Variants in DGKA observed in about 807,000 individuals in gnomAD.
DGKA encodes the protein 80 kDa diacylglycerol kinase.
DGKA carries 35 observed loss-of-function variants against 105.0 expected under a neutral mutation model. The ratio of observed to expected loss-of-function variants is 0.33; its 90% CI spans 0.25 to 0.44. DGKA has a LOEUF of 0.44. Among genes scored for constraint, DGKA ranks in the 20% least tolerant of loss-of-function variants. DGKA has a pLI of 1.00. For missense variants in DGKA, 665 were observed against 915.0 expected, an observed-to-expected ratio of 0.73 and a Z score of 3.53; for synonymous variants, 296 against 332.0, an observed-to-expected ratio of 0.89 and a Z score of 1.18.
At position 55,932,420 on chromosome 12, in the gene DGKA, A is replaced by G. The variant is rs970651544; in HGVS notation, c.-82+1076A>G. 7 of 628,946 alleles carry G rather than the reference A, an allele frequency of 1.1e-5. No individual in the cohort carries two copies. The highest frequency in any genetic ancestry group is 1.1e-4 in the African/African-American group (6 of 55,186). The allele number at this position is 628,946 out of a possible 1,614,324, so 39.0% of individuals were successfully genotyped here. A position where few individuals can be genotyped will look rare whatever the true frequency, so the allele number is the denominator to read the frequency against. On this transcript the variant is annotated intron_variant, in intron 1 of 23. Coordinates refer to ENST00000331886, the MANE Select transcript of DGKA (RefSeq NM_001345.5). This position sits in a 1 kb window ranked among gnomAD's most constrained non-coding sequence, Gnocchi z 4.3. ...CGACTCGGAGGGAAGTCCTCTTCGG[A>G]ACCTCCACAGTGCCGCACGGGTGGA... is the stretch of plus-strand genomic sequence containing the variant.
Position 55,941,452 on chromosome 12 carries a change from CAGA to C in DGKA, c.1176-54_1176-52del, listed in dbSNP as rs1029090138. On this transcript the variant is annotated intron_variant, in intron 14 of 23. Coordinates refer to ENST00000331886, the MANE Select transcript of DGKA (RefSeq NM_001345.5). ...AGGAACACACAAAGAGGGTGAGGTT[CAGA>C]AGATCACCCCCAACCCCCGCGCCTG... The C allele has an allele frequency of 2.5e-6, 4 of 1,597,448 alleles. No homozygotes were observed. In the African/African-American group the frequency reaches 5.4e-5, roughly 21 times the overall value.
At chr12:55,930,732 G>C (rs1390075282), upstream of DGKA, 1 of 152,136 alleles carries the variant, frequency 6.6e-6, no homozygotes, top group Non-Finnish European at 1.5e-5. Context: ...GGAGCAGAGA[G>C]ACAGACCCCT....
Position 55,942,002 on chromosome 12 carries a change from C to G in DGKA, c.1255C>G (p.Arg419Gly). Residue 419 changes from arginine (R) to glycine (G), a missense_variant, in exon 16 of 24, where the codon CGA (arginine) becomes GGA (glycine). Arg to Gly is a moderately radical substitution (Grantham distance 125). Transcript: ENST00000331886. ...TCTCTCTCCCCTTTGTCTCAGGCTC[C>G]GATTATTCAAGGATGTTCCTGATAG... The part of the protein sequence containing the change: ...LLKDGPEIGL[R>G]LFKDVPDSRI... 6.2e-7 allele frequency: 1 copy of G among 1,614,074 alleles called. No homozygotes were observed. Among genetic ancestry groups the G allele is most frequent in the South Asian group, 1.1e-5 (1 of 91,042 alleles).
Position 55,941,269 on chromosome 12 carries a change from C to T in DGKA, c.1119C>T (p.Asn373=), listed in dbSNP as rs1301359119. 1.2e-6 allele frequency: 2 copies of T among 1,613,564 alleles called. No homozygotes were observed. Among genetic ancestry groups the T allele is most frequent in the South Asian group, 1.1e-5 (1 of 91,068 alleles). Reference sequence around the variant, plus strand: ...CAATGCAGATTGACCCTGTTCCTAACACCCACCCACTTCTCGTCTTTGTCA... The same window carrying T: ...CAATGCAGATTGACCCTGTTCCTAATACCCACCCACTTCTCGTCTTTGTCA... ...SEALRIDPVP[N]THPLLVFVNP... Residue 373 remains asparagine, a synonymous_variant, in exon 14 of 24, where the codon AAC becomes AAT. Transcript: ENST00000331886.
chr12:55,940,559 G>T lies in DGKA; in HGVS notation c.919-65G>T. On this transcript the variant is annotated intron_variant, in intron 11 of 23. Coordinates refer to ENST00000331886, the MANE Select transcript of DGKA (RefSeq NM_001345.5). This position sits in a 1 kb window ranked among gnomAD's most constrained non-coding sequence, Gnocchi z 4.3. The stretch of plus-strand genomic sequence containing the variant: ...GCTCCCAAGGGCTCTTTCCAGCCCA[G>T]ACTGCCAGGTTGAGAGGAGACAGGG... 1 of 1,560,220 alleles carries T rather than the reference G, an allele frequency of 6.4e-7. No homozygotes were observed. The highest frequency in any genetic ancestry group is 8.7e-7 in the Non-Finnish European group (1 of 1,153,388).
At chr12:55,927,623 G>C, upstream of DGKA, 1 of 1,427,476 alleles carries the variant, frequency 7.0e-7, no homozygotes, top group Non-Finnish European at 9.5e-7. Flanking sequence ...TAAGAAGGTG[G>C]GGAGGTCGAA....
intron 15 of DGKA, 71 bp downstream of exon 15, chr12:55,941,655 C>A: frequency 6.8e-7 from 1 of 1,480,188 alleles, no homozygotes; most frequent in Non-Finnish European, 9.4e-7. Context: ...TAGGAGAGTG[C>A]AGGAAAGAGT....
In DGKA at chr12:55,939,331, G is replaced by A. The variant is rs149043038; in HGVS notation, c.594+26G>A. ...GTGAGTAGGAGAGACTTTGGGGGAT[G>A]AGTAAGACAGCCTTGGGTTATGCTT... On this transcript the variant is annotated intron_variant, in intron 8 of 23. Coordinates refer to ENST00000331886, the MANE Select transcript of DGKA (RefSeq NM_001345.5). 137 of 1,613,074 alleles carry A rather than the reference G, an allele frequency of 8.5e-5. No homozygotes were observed. The African/African-American group carries it at 1.5e-3, about 18-fold the overall frequency.
At chr12:55,928,082 G>C (rs138659220), upstream of DGKA, among the ~76,000 whole-genome samples, 738 of 152,218 alleles carry the variant, frequency 4.8e-3, 7 homozygotes, top group African/African-American at 0.015. Flanking sequence ...TTCTGCAGAC[G>C]AACCCATATG....
At chr12:55,927,463 G>C, upstream of DGKA, 1 of 693,404 alleles carries the variant, frequency 1.4e-6, no homozygotes, top group Non-Finnish European at 2.6e-6. Flanking sequence ...ACCCAAAAAG[G>C]GGGCCTTATA....
At chr12:55,938,369 GTC>G (rs1401703681) in intron 5 of DGKA, 140 bp from the exon 6 acceptor site, 33 of 1,036,610 alleles carry the variant, frequency 3.2e-5, no homozygotes, top group Non-Finnish European at 4.8e-5. Context: ...TTTCCTTTTT[GTC>G]TCTCTCTCAG....
At chr12:55,936,964 A>C in intron 2 of DGKA, 53 bp from the exon 3 acceptor site, 67 of 1,489,812 alleles carry the variant, frequency 4.5e-5, no homozygotes, top group Non-Finnish European at 5.7e-5. Context: ...TTCTCTGGCA[A>C]GAGAACTCAG....
In DGKA at chr12:55,942,080, A is replaced by G. The variant is rs1318187676; in HGVS notation, c.1333A>G (p.Ile445Val). 4 of 1,614,142 alleles carry G rather than the reference A, an allele frequency of 2.5e-6. No homozygotes were observed. The highest frequency in any genetic ancestry group is 3.4e-6 in the Non-Finnish European group (4 of 1,180,008). ...CACAGTAGGCTGGATTCTAGAGACC[A>G]TTGGTCAGTGCAGGGAGGGGCGTGG... ...DGTVGWILET[I>V]DKANLPVLPP... Residue 445 changes from isoleucine (I) to valine (V), a missense_variant, in exon 16 of 24, where the codon ATT (isoleucine) becomes GTT (valine). By Grantham distance (29) the Ile-to-Val change is conservative. Around this residue, in one of 3 missense-constraint regions of DGKA, gnomAD observed 504 missense variants for 681.2 expected, o/e 0.74. Coordinates refer to ENST00000331886, the MANE Select transcript of DGKA (RefSeq NM_001345.5).
chr12:55,939,386 A>G, intron 8 of DGKA, 29 bp from the exon 9 acceptor site: 1 of 1,613,660 alleles, frequency 6.2e-7, no homozygotes, highest in South Asian at 1.1e-5. Flanking sequence ...GGGCTTTGAC[A>G]CTCCCTAGCA....
In DGKA at chr12:55,940,626, C is replaced by T; in HGVS notation, c.921C>T (p.Ile307=). 6.3e-7 allele frequency: 1 copy of T among 1,577,068 alleles called. No individual in the cohort carries two copies. The highest frequency in any genetic ancestry group is 8.6e-7 in the Non-Finnish European group (1 of 1,164,554). Residue 307 remains isoleucine, a splice_region_variant and synonymous_variant, in exon 12 of 24, where the codon ATC becomes ATT. Coordinates refer to ENST00000331886, the MANE Select transcript of DGKA (RefSeq NM_001345.5). This position sits in a 1 kb window ranked among gnomAD's most constrained non-coding sequence, Gnocchi z 4.3. The part of the protein sequence containing the change: ...GLHCVWCHLE[I]HDDCLQAVGH... ...TCTGTGCCCACCTCGTCTTTCAGATCCACGATGACTGCCTGCAAGCGGTGG... is the reference window on the plus strand; with the variant it reads ...TCTGTGCCCACCTCGTCTTTCAGATTCACGATGACTGCCTGCAAGCGGTGG...
chr12:55,951,722 C>A lies in DGKA; in HGVS notation c.1526C>A (p.Thr509Asn). The A allele has an allele frequency of 6.2e-7, 1 of 1,613,844 alleles. No individual in the cohort carries two copies. The highest frequency in any genetic ancestry group is 8.5e-7 in the Non-Finnish European group (1 of 1,179,984). ...RWSVEVIPQQ[T>N]EEKSDPVPFQ... ...TCTGTGGAGGTGATACCTCAACAAA[C>A]TGAAGAAAAAAGTGACCCAGTCCCC... Residue 509 changes from threonine to asparagine, a missense_variant, in exon 18 of 24, where the codon ACT becomes AAT. Transcript: ENST00000331886.
intron 17 of DGKA, among the ~76,000 whole-genome samples, chr12:55,950,376 G>T (rs968620776): frequency 6.7e-6 from 1 of 148,728 alleles, no homozygotes; most frequent in Non-Finnish European, 1.5e-5. Flanking sequence ...GCGCAATCTC[G>T]GCTCACTGCA....
chr12:55,937,567 G>A, intron 4 of DGKA, 24 bp downstream of exon 4: 1 of 1,605,218 alleles, frequency 6.2e-7, no homozygotes, highest in Non-Finnish European at 8.5e-7. Flanking sequence ...GGTAGGACTG[G>A]GCTAAGCCTC....
intron 6 of DGKA, 160 bp from the exon 7 acceptor site, chr12:55,938,755 G>A (rs1565738123): frequency 3.3e-6 from 5 of 1,531,956 alleles, no homozygotes; most frequent in Non-Finnish European, 4.4e-6. Flanking sequence ...AATTGGGTCT[G>A]CCTTACAAAC....
Sources: allele counts gnomAD v4.1 joint callset (sites outside exome capture counted in the v4.1 genomes callset), GRCh38; gene constraint gnomAD v4.1.1; regional missense constraint gnomAD v4.1.1; non-coding constraint Gnocchi (gnomAD v3.1); transcripts MANE v1.5; gene names NCBI Gene and HGNC (gene_info 2026-07-23, HGNC 2026-07-21).